Variants in REDIC1 observed in about 807,000 individuals in gnomAD.
REDIC1 encodes HEI10 Interacting Protein 1.
At chr12:39,715,245 G>C in the REDIC1 span, among the ~76,000 whole-genome samples, 4 of 151,886 alleles carry the variant, frequency 2.6e-5, no homozygotes, top group African/African-American at 9.7e-5. Context: ...TTTGTCTAAG[G>C]TAAGAGATGA....
At chr12:39,655,379 T>A in the REDIC1 span, among the ~76,000 whole-genome samples, 2 of 152,146 alleles carry the variant, frequency 1.3e-5, no homozygotes, top group African/African-American at 2.4e-5. Flanking sequence ...GGTCAGAAGT[T>A]GTGTTTAAAC....
At chr12:39,711,415 A>G in the REDIC1 span, among the ~76,000 whole-genome samples, 1 of 137,694 alleles carries the variant, frequency 7.3e-6, no homozygotes, top group African/African-American at 2.6e-5. Context: ...AGATGTATAT[A>G]TGTACTTATG....
chr12:39,876,352 C>T, the REDIC1 span, among the ~76,000 whole-genome samples: 12 of 152,144 alleles, frequency 7.9e-5, no homozygotes, highest in African/African-American at 2.2e-4. Context: ...AACATGAATA[C>T]TTCATATGCT....
the REDIC1 span, among the ~76,000 whole-genome samples, chr12:39,779,518 C>G: frequency 6.6e-6 from 1 of 152,090 alleles, no homozygotes; most frequent in Non-Finnish European, 1.5e-5. Context: ...GCACTTGGCA[C>G]AACATTTTAC....
the REDIC1 span, chr12:39,626,429 G>T: frequency 1.9e-6 from 3 of 1,594,414 alleles, no homozygotes; most frequent in South Asian, 1.1e-5. Context: ...GTTCCTGGCG[G>T]AGAGGTCACA....
chr12:39,706,629 A>G, the REDIC1 span, among the ~76,000 whole-genome samples: 2 of 151,994 alleles, frequency 1.3e-5, no homozygotes. Flanking sequence ...TATAGTAACC[A>G]AAACAGCATG....
chr12:39,674,418 T>C, the REDIC1 span, among the ~76,000 whole-genome samples: 2 of 152,148 alleles, frequency 1.3e-5, no homozygotes, highest in Non-Finnish European at 2.9e-5. Context: ...AGCTCCCACT[T>C]GGACAGAACA....
the REDIC1 span, chr12:39,830,574 T>C: frequency 1.3e-6 from 1 of 776,134 alleles, no homozygotes; most frequent in Non-Finnish European, 1.6e-6. Context: ...ACTGCCTCAT[T>C]GTGATCCAGC....
chr12:39,756,428 T>TA, the REDIC1 span: 113,577 of 150,612 alleles, frequency 0.75, 43,716 homozygotes, highest in Non-Finnish European at 0.84. Flanking sequence ...TGCAATATGG[T>TA]AAAAAAAAAT....
chr12:39,655,342 G>A, the REDIC1 span, among the ~76,000 whole-genome samples: 2 of 151,944 alleles, frequency 1.3e-5, no homozygotes, highest in East Asian at 1.9e-4. Flanking sequence ...TTCTCTTGTA[G>A]TACTGCTTAG....
At chr12:39,714,285 G>T in the REDIC1 span, among the ~76,000 whole-genome samples, 5 of 142,026 alleles carry the variant, frequency 3.5e-5, 1 homozygote, top group Non-Finnish European at 7.8e-5. Flanking sequence ...ATGTATATAC[G>T]TATATGCATG....
chr12:39,642,131 T>C, the REDIC1 span, among the ~76,000 whole-genome samples: 3,073 of 151,902 alleles, frequency 0.02, 42 homozygotes, highest in South Asian at 0.029. Flanking sequence ...TGTTTTCTAG[T>C]TGTTTTTACC....
the REDIC1 span, among the ~76,000 whole-genome samples, chr12:39,664,494 G>A: frequency 2.0e-5 from 3 of 152,076 alleles, no homozygotes; most frequent in Non-Finnish European, 4.4e-5. Context: ...ATTTGGGTTG[G>A]TTCCACGTCT....
the REDIC1 span, among the ~76,000 whole-genome samples, chr12:39,665,851 C>T: frequency 6.6e-6 from 1 of 152,098 alleles, no homozygotes; most frequent in African/African-American, 2.4e-5. Flanking sequence ...AATGGGAGTT[C>T]ACTCATGATT....
chr12:39,779,637 CATTGTAAGCCTCAGAGAAGACAT>C, the REDIC1 span, among the ~76,000 whole-genome samples: 13 of 152,228 alleles, frequency 8.5e-5, no homozygotes, highest in African/African-American at 3.1e-4. Flanking sequence ...TTCTTCACTA[CATTGTAAGCCTCAGAGAAGACAT>C]ATATTTGCTG....
chr12:39,660,962 C>T, the REDIC1 span, among the ~76,000 whole-genome samples: 1 of 152,036 alleles, frequency 6.6e-6, no homozygotes, highest in South Asian at 2.1e-4. Context: ...CAGTTCCACC[C>T]ATGTTGCTGC....
chr12:39,643,937 TTC>T, the REDIC1 span: 1 of 1,499,626 alleles, frequency 6.7e-7, no homozygotes, highest in Non-Finnish European at 9.1e-7. Context: ...TCCAATTGCA[TTC>T]TGTTTTGAAC....
the REDIC1 span, among the ~76,000 whole-genome samples, chr12:39,713,780 T>A: frequency 1.3e-5 from 2 of 149,208 alleles, no homozygotes; most frequent in African/African-American, 2.4e-5. Context: ...TATTTGTACG[T>A]AAATATACAT....
the REDIC1 span, among the ~76,000 whole-genome samples, chr12:39,719,868 GTATT>G: frequency 3.9e-5 from 6 of 152,174 alleles, no homozygotes; most frequent in African/African-American, 1.4e-4. Flanking sequence ...ATCCCCTTGA[GTATT>G]TATTTCTCTG....
Sources: allele counts gnomAD v4.1 joint callset (sites outside exome capture counted in the v4.1 genomes callset), GRCh38; gene constraint gnomAD v4.1.1; transcripts MANE v1.5; gene names NCBI Gene and HGNC (gene_info 2026-07-23, HGNC 2026-07-21).